The following WDR70 variants were observed in gnomAD, a reference collection of about 807,000 sequenced individuals.
The protein encoded by WDR70 is WD repeat-containing protein 70.
In WDR70, 53 loss-of-function variants were observed where a neutral mutation model predicts 88.6. That is an observed-to-expected ratio of 0.60 (90% confidence interval 0.48 to 0.75). WDR70 has a LOEUF of 0.75. WDR70 is among the 30% of genes least tolerant of loss of function. The probability of loss-of-function intolerance (pLI) is 0.00; values close to 1 mark genes in which losing one functional copy is unlikely to be tolerated. For missense variants in WDR70, 610 were observed against 823.2 expected (o/e 0.74, Z 3.17); for synonymous variants, 280 against 270.0 (o/e 1.04, Z -0.36).
At chr5:37,713,166 A>T (rs1747564543) in intron 13 of WDR70, among the ~76,000 whole-genome samples, 1 of 152,174 alleles carries the variant, frequency 6.6e-6, no homozygotes, top group Non-Finnish European at 1.5e-5. Flanking sequence ...CACCTATTTA[A>T]CAGTGATCTC....
intron 3 of WDR70, among the ~76,000 whole-genome samples, chr5:37,386,861 C>T (rs1365431554): frequency 6.6e-6 from 1 of 151,932 alleles, no homozygotes; most frequent in Non-Finnish European, 1.5e-5. Flanking sequence ...ACTTTGGGAG[C>T]CTGAGGTGGG....
chr5:37,666,542 G>C (rs1745848770), intron 10 of WDR70, among the ~76,000 whole-genome samples: 1 of 152,170 alleles, frequency 6.6e-6, no homozygotes, highest in African/African-American at 2.4e-5. Context: ...AACTGTGGTA[G>C]TGCTAATAGA....
chr5:37,731,081 G>A (rs1216323398), intron 17 of WDR70, among the ~76,000 whole-genome samples: 2 of 152,120 alleles, frequency 1.3e-5, no homozygotes, highest in African/African-American at 4.8e-5. Flanking sequence ...GGAGACTGTG[G>A]TCAGAGTTGT....
chr5:37,472,664 T>G (rs934478480), intron 7 of WDR70, among the ~76,000 whole-genome samples: 1 of 151,902 alleles, frequency 6.6e-6, no homozygotes, highest in African/African-American at 2.4e-5. Context: ...GCCCTGTTAA[T>G]TTTTTTGTAC....
intron 7 of WDR70, among the ~76,000 whole-genome samples, chr5:37,468,667 A>G (rs936607348): frequency 1.3e-5 from 2 of 152,142 alleles, no homozygotes; most frequent in Non-Finnish European, 2.9e-5. Flanking sequence ...TATTCATCCT[A>G]CTATGCAATA....
intron 10 of WDR70, among the ~76,000 whole-genome samples, chr5:37,689,799 C>T (rs1469099521): frequency 6.6e-6 from 1 of 152,240 alleles, no homozygotes; most frequent in African/African-American, 2.4e-5. Flanking sequence ...CAGAGTGCCT[C>T]TTCTCCTCCA....
Position 37,456,126 on chromosome 5 carries a change from A to G in WDR70, c.686+12754A>G, listed in dbSNP as rs546123781. Among the ~76,000 whole-genome samples the G allele has an allele frequency of 5.3e-5, 8 of 152,290 alleles. 1 individual carries two copies. In the South Asian group the frequency reaches 1.7e-3, roughly 32 times the overall value. ...TTCCCTGGGTCAATACCTAAGTGTG[A>G]ATTGCTTTGTCAGATGATATGTGAG... On this transcript the variant is annotated intron_variant, in intron 7 of 17. Transcript: ENST00000265107.
intron 10 of WDR70, among the ~76,000 whole-genome samples, chr5:37,665,105 A>G (rs901874119): frequency 1.3e-5 from 2 of 152,222 alleles, no homozygotes; most frequent in Admixed American, 6.5e-5. Context: ...CCTGAGATGT[A>G]TGATCCTTTT....
At chr5:37,641,936 G>A (rs1745115277) in intron 10 of WDR70, among the ~76,000 whole-genome samples, 1 of 152,148 alleles carries the variant, frequency 6.6e-6, no homozygotes, top group Admixed American at 6.5e-5. Context: ...TGATGGGTTT[G>A]GGGTTGTAAT....
chr5:37,717,393 C>G (rs1041626319), intron 13 of WDR70, among the ~76,000 whole-genome samples: 2 of 152,190 alleles, frequency 1.3e-5, no homozygotes, highest in Non-Finnish European at 2.9e-5. Flanking sequence ...TTCTGTAGAT[C>G]TCATGTCTTG....
chr5:37,518,818 G>C (rs1740979546), intron 9 of WDR70, among the ~76,000 whole-genome samples: 1 of 151,922 alleles, frequency 6.6e-6, no homozygotes, highest in African/African-American at 2.4e-5. Flanking sequence ...GGTTTTCCTA[G>C]GCAGAGGTCC....
chr5:37,448,344 C>T (rs1385869134), intron 7 of WDR70, among the ~76,000 whole-genome samples: 1 of 152,116 alleles, frequency 6.6e-6, no homozygotes, highest in African/African-American at 2.4e-5. Flanking sequence ...ATCAGTACTT[C>T]CCCGAGTAGC....
Position 37,446,459 on chromosome 5 carries a change from C to CAA in WDR70, c.686+3092_686+3093dup, listed in dbSNP as rs199899846. Among the ~76,000 whole-genome samples, 1,286 of 152,074 alleles carry CAA rather than the reference C, an allele frequency of 8.5e-3. 19 individuals carry two copies. The highest frequency in any genetic ancestry group is 0.029 in the African/African-American group (1,212 of 41,492). On this transcript the variant is annotated intron_variant, in intron 7 of 17. Coordinates refer to ENST00000265107, the MANE Select transcript of WDR70 (RefSeq NM_018034.4). ...AACTACTTTAAAGTTCATATGGAAC[C>CAA]AAAAAAGAGCCCGCATCGCCAAGAC... is the stretch of plus-strand genomic sequence containing the variant.
At chr5:37,514,158 A>G (rs1197837961) in intron 8 of WDR70, among the ~76,000 whole-genome samples, 1 of 150,700 alleles carries the variant, frequency 6.6e-6, no homozygotes, top group East Asian at 2.0e-4. Flanking sequence ...GGAACTATAG[A>G]TGTCTATCCC....
rs70978817 is a variant in WDR70 at position 37,444,336 on chromosome 5, CTTTTTTTT to C, written c.686+977_686+984del. 7.4e-5 allele frequency among the ~76,000 whole-genome samples: 7 copies of C among 94,200 alleles called. No individual in the cohort carries two copies. The Admixed American group carries it at 9.4e-4, about 13-fold the overall frequency. 61.8% of individuals were successfully genotyped at this position (94,200 alleles called of 152,430 possible). On this transcript the variant is annotated intron_variant, in intron 7 of 17. Transcript: ENST00000265107. ...GTTGCTACAATGAGCCAGCCTTTCT[CTTTTTTTT>C]TTTTTTTTTTTTGAGACAGGGTCTG... is the stretch of plus-strand genomic sequence containing the variant.
At chr5:37,552,948 A>G (rs1264896265) in intron 9 of WDR70, among the ~76,000 whole-genome samples, 1 of 152,192 alleles carries the variant, frequency 6.6e-6, no homozygotes, top group Non-Finnish European at 1.5e-5. Context: ...CACAGATTCT[A>G]TAGTCCAAGA....
chr5:37,712,070 G>T (rs959384817), intron 13 of WDR70, among the ~76,000 whole-genome samples: 23 of 141,852 alleles, frequency 1.6e-4, no homozygotes, highest in Admixed American at 3.0e-4. Flanking sequence ...TCGGCTTACT[G>T]CAACCTCTGC....
At chr5:37,738,052 A>C (rs1020298073) in intron 17 of WDR70, among the ~76,000 whole-genome samples, 1 of 151,918 alleles carries the variant, frequency 6.6e-6, no homozygotes, top group African/African-American at 2.4e-5. Flanking sequence ...AACAAACAAA[A>C]AAACAACAAC....
At chr5:37,441,897 G>A (rs1014371980) in intron 6 of WDR70, among the ~76,000 whole-genome samples, 20 of 152,144 alleles carry the variant, frequency 1.3e-4, no homozygotes, top group African/African-American at 4.8e-4. Flanking sequence ...TCCTAATGCA[G>A]TTCTTTTCTT....
Sources: gnomAD v4.1 joint callset for allele counts (sites outside exome capture counted in the v4.1 genomes callset) on GRCh38, gnomAD v4.1.1 for gene constraint, MANE v1.5 for transcripts, NCBI Gene and HGNC (gene_info 2026-07-23, HGNC 2026-07-21) for gene names.